The following PPP4R3A variants were observed in gnomAD, a reference collection of about 807,000 sequenced individuals.
PPP4R3A encodes the protein protein phosphatase 4 regulatory subunit 3A.
Under a neutral mutation model 91.7 loss-of-function variants are expected in PPP4R3A, and 15 were observed. The observed-to-expected ratio is 0.16, with a 90% confidence interval of 0.11 to 0.25. The LOEUF is 0.25. Among genes scored for constraint, PPP4R3A ranks in the 10% least tolerant of loss-of-function variants. PPP4R3A has a pLI of 1.00. For missense variants in PPP4R3A, 623 were observed against 998.4 expected (o/e 0.62, Z 5.07); for synonymous variants, 377 against 348.7 (o/e 1.08, Z -0.91).
In PPP4R3A at chr14:91,481,832, A is replaced by G. The variant is rs886135544; in HGVS notation, c.659T>C (p.Val220Ala). The G allele has an allele frequency of 1.9e-6, 3 of 1,613,990 alleles. No individual in the cohort carries two copies. The African/African-American group carries it at 4.0e-5, about 22-fold the overall frequency. The change falls in exon 4 of 15, where the codon GTC becomes GCC. Residue 220 changes from valine (V) to alanine (A), a missense_variant. Coordinates refer to ENST00000554943, the MANE Select transcript of PPP4R3A (RefSeq NM_001366432.2). ...VMFSEECIMD[V>A]IGCLEYDPAL... ...AGGATCATATTCTAAACATCCAATG[A>G]CGTCCATTATACATTCTTCAGAGAA...
chr14:91,474,044 C>T (rs1234046844), intron 7 of PPP4R3A, among the ~76,000 whole-genome samples: 3 of 152,346 alleles, frequency 2.0e-5, no homozygotes, highest in East Asian at 3.9e-4. Context: ...GCTGGGATTA[C>T]AGGCGTGAGC....
At chr14:91,495,700 A>C (rs948705126) in intron 1 of PPP4R3A, among the ~76,000 whole-genome samples, 2 of 152,032 alleles carry the variant, frequency 1.3e-5, no homozygotes, top group African/African-American at 2.4e-5. Flanking sequence ...TTAAAAAAAA[A>C]ACAAAAAACA....
In PPP4R3A at chr14:91,510,078, G is replaced by T. The variant is rs964509075; in HGVS notation, c.-431C>A. The T allele has an allele frequency of 2.6e-6, 1 of 390,248 alleles. No homozygotes were observed. The highest frequency in any genetic ancestry group is 3.5e-6 in the Non-Finnish European group (1 of 284,704). 24.2% of individuals were successfully genotyped at this position (390,248 alleles called of 1,614,324 possible). A position where few individuals can be genotyped will look rare whatever the true frequency, so the allele number is the denominator to read the frequency against. On this transcript the variant is annotated 5_prime_UTR_variant, in exon 1 of 15. Transcript: ENST00000554943. ...GCCATATTTTCCTTCCTTATACCTG[G>T]CCCTGCCACCGCGGCCAGTGGCTCC...
At position 91,505,458 on chromosome 14, in the gene PPP4R3A, A is replaced by C. The variant is rs929802637; in HGVS notation, c.142+4048T>G. 3.4e-4 allele frequency among the ~76,000 whole-genome samples: 51 copies of C among 152,148 alleles called. 1 individual carries two copies. Among genetic ancestry groups the C allele is most frequent in the South Asian group, 2.1e-3 (10 of 4,824 alleles). ...GAGATTCTGCCTAAAAAAAAAAAAA[A>C]AACACACACCATTTATTTCACAGGT... is the stretch of plus-strand genomic sequence containing the variant. On this transcript the variant is annotated intron_variant, in intron 1 of 14. Transcript: ENST00000554943.
At chr14:91,491,140 C>G (rs939263357) in intron 1 of PPP4R3A, among the ~76,000 whole-genome samples, 7 of 152,016 alleles carry the variant, frequency 4.6e-5, no homozygotes, top group Non-Finnish European at 1.0e-4. Context: ...CTCCTGACCT[C>G]AGGTGATCCA....
chr14:91,468,440 G>C (rs1412664854), intron 10 of PPP4R3A, among the ~76,000 whole-genome samples: 2 of 152,094 alleles, frequency 1.3e-5, no homozygotes, highest in Non-Finnish European at 2.9e-5. Flanking sequence ...GGGAGGCCGA[G>C]GCAGGCGGAT....
At chr14:91,509,357 G>C in intron 1 of PPP4R3A, 149 bp downstream of exon 1, 1 of 1,120,718 alleles carries the variant, frequency 8.9e-7, no homozygotes, top group African/African-American at 1.6e-5. Context: ...CAAGACTGGG[G>C]TACCTGGGGC....
intron 2 of PPP4R3A, among the ~76,000 whole-genome samples, chr14:91,489,305 T>A (rs929513784): frequency 1.2e-4 from 18 of 152,110 alleles, no homozygotes; most frequent in Admixed American, 1.1e-3. Flanking sequence ...CTCCTAAAAT[T>A]CTGATAAATA....
At chr14:91,468,667 C>CAAA (rs766250846) in intron 10 of PPP4R3A, among the ~76,000 whole-genome samples, 6,157 of 45,008 alleles carry the variant, frequency 0.14, 946 homozygotes, top group Non-Finnish European at 0.14. Context: ...GACTCCGTCT[C>CAAA]AAAAAAAAAA....
intron 11 of PPP4R3A, 115 bp from the exon 12 acceptor site, chr14:91,462,992 A>C (rs775756604): frequency 6.2e-6 from 5 of 806,192 alleles, no homozygotes; most frequent in Non-Finnish European, 9.7e-6. Flanking sequence ...AAAACTACAT[A>C]ATCTTAGAGA....
At chr14:91,470,688 AC>A in intron 10 of PPP4R3A, 148 bp downstream of exon 10, 1 of 824,788 alleles carries the variant, frequency 1.2e-6, no homozygotes, top group Non-Finnish European at 1.9e-6. Flanking sequence ...CACCTGCTCA[AC>A]ATGGCAAACC....
chr14:91,464,314 C>G (rs962538059), intron 11 of PPP4R3A, among the ~76,000 whole-genome samples: 2 of 151,216 alleles, frequency 1.3e-5, no homozygotes, highest in African/African-American at 4.9e-5. Context: ...GAGTGAGACT[C>G]TGTCCCCACC....
At chr14:91,483,317 T>C (rs1003192510) in intron 3 of PPP4R3A, among the ~76,000 whole-genome samples, 7 of 152,206 alleles carry the variant, frequency 4.6e-5, no homozygotes, top group African/African-American at 1.7e-4. Context: ...TGATAGATAC[T>C]AGAAAAGATG....
chr14:91,471,935 G>A (rs2140090619), intron 9 of PPP4R3A, among the ~76,000 whole-genome samples: 1 of 151,904 alleles, frequency 6.6e-6, no homozygotes, highest in East Asian at 1.9e-4. Flanking sequence ...CATGGTGGCA[G>A]GTGCCTGTAA....
At chr14:91,502,044 C>T (rs1036496357) in intron 1 of PPP4R3A, among the ~76,000 whole-genome samples, 3 of 151,792 alleles carry the variant, frequency 2.0e-5, no homozygotes, top group Non-Finnish European at 4.4e-5. Context: ...TGCTTTAAAC[C>T]CGTAACAGGT....
At chr14:91,489,369 C>T (rs755897527) in intron 2 of PPP4R3A, among the ~76,000 whole-genome samples, 6 of 152,226 alleles carry the variant, frequency 3.9e-5, no homozygotes, top group Non-Finnish European at 7.3e-5. Flanking sequence ...AAGCCAATAA[C>T]ACATTCTGCT....
In PPP4R3A at chr14:91,509,858, C is replaced by G; in HGVS notation, c.-211G>C. The G allele has an allele frequency of 8.7e-7, 1 of 1,146,286 alleles. No individual in the cohort carries two copies. The highest frequency in any genetic ancestry group is 4.1e-5 in the South Asian group (1 of 24,596). The allele number at this position is 1,146,286 out of a possible 1,614,324, so 71.0% of individuals were successfully genotyped here. A position where few individuals can be genotyped will look rare whatever the true frequency, so the allele number is the denominator to read the frequency against. ...CCGCCGCCTTTCCTCGCCTCCGGCT[C>G]CCCGGCGCTATTGTCCAGGCCTGGC... On this transcript the variant is annotated 5_prime_UTR_variant, in exon 1 of 15. Coordinates refer to ENST00000554943, the MANE Select transcript of PPP4R3A (RefSeq NM_001366432.2).
chr14:91,493,572 T>C (rs565619100), intron 1 of PPP4R3A, among the ~76,000 whole-genome samples: 9 of 150,422 alleles, frequency 6.0e-5, no homozygotes, highest in African/African-American at 2.3e-4. Flanking sequence ...GATGGGAGGA[T>C]TGCTTGAGGC....
chr14:91,496,645 G>C (rs1483159092), intron 1 of PPP4R3A, among the ~76,000 whole-genome samples: 1 of 152,102 alleles, frequency 6.6e-6, no homozygotes, highest in Non-Finnish European at 1.5e-5. Context: ...TGTTTTTCTG[G>C]TCTATTCAGG....
Sources: gnomAD v4.1 joint callset for allele counts (sites outside exome capture counted in the v4.1 genomes callset) on GRCh38, gnomAD v4.1.1 for gene constraint, MANE v1.5 for transcripts, NCBI Gene and HGNC (gene_info 2026-07-23, HGNC 2026-07-21) for gene names.